ZNF37A: variants seen among roughly 807,000 people sequenced by gnomAD.
The protein encoded by ZNF37A is zinc finger protein 37A.
A neutral mutation model predicts 12.3 loss-of-function variants in ZNF37A; 10 were observed. That is an observed-to-expected ratio of 0.82 (90% CI 0.50 to 1.38). ZNF37A has a LOEUF of 1.38. Ranked by LOEUF, ZNF37A falls within the 40% of genes most tolerant of loss-of-function variation. ZNF37A has a pLI of 0.00. For synonymous variants in ZNF37A, 207 were observed against 223.0 expected (o/e 0.93, Z 0.64); for missense variants, 580 against 651.2 (o/e 0.89, Z 1.19).
intron 5 of ZNF37A, among the ~76,000 whole-genome samples, chr10:38,111,217 G>C (rs2068618664): frequency 6.6e-6 from 1 of 152,008 alleles, no homozygotes; most frequent in African/African-American, 2.4e-5. Flanking sequence ...ATCATTCTCA[G>C]CAAACTAACA....
chr10:38,125,430 A>G (rs1472363989), downstream of ZNF37A: 5 of 152,192 alleles, frequency 3.3e-5, no homozygotes, highest in Admixed American at 1.3e-4. Flanking sequence ...TTCAATACCA[A>G]TGCTAATTTT....
In ZNF37A at chr10:38,119,175, A is replaced by G. The variant is rs1682602543; in HGVS notation, c.*338A>G. 1 of 1,031,068 alleles carries G rather than the reference A, an allele frequency of 9.7e-7. No individual in the cohort carries two copies. The highest frequency in any genetic ancestry group is 1.2e-6 in the Non-Finnish European group (1 of 851,502). 63.9% of individuals were successfully genotyped at this position (1,031,068 alleles called of 1,614,324 possible). A position where few individuals can be genotyped will look rare whatever the true frequency, so the allele number is the denominator to read the frequency against. ...AGAAGGGATGCATTTTTCTGCTACT[A>G]CTACAGTTTCACAGAATACCTGAGA... is the stretch of plus-strand genomic sequence containing the variant. On this transcript the variant is annotated 3_prime_UTR_variant, in exon 8 of 8. Coordinates refer to ENST00000685332, the MANE Select transcript of ZNF37A (RefSeq NM_001324250.3).
At chr10:38,128,213 T>G (rs529083276), downstream of ZNF37A, among the ~76,000 whole-genome samples, 7 of 152,236 alleles carry the variant, frequency 4.6e-5, no homozygotes, top group South Asian at 2.1e-4. Flanking sequence ...GCAATAAAAG[T>G]CTAGGGGTGA....
chr10:38,096,840 G>GA (rs36062291), intron 5 of ZNF37A, among the ~76,000 whole-genome samples: 12 of 151,146 alleles, frequency 7.9e-5, no homozygotes, highest in South Asian at 2.1e-4. Context: ...GTGGCTGAGG[G>GA]AAAAAAAACA....
chr10:38,138,930 C>A (rs1208916365), intron 7 of ZNF37A: 1 of 152,162 alleles, frequency 6.6e-6, no homozygotes, highest in African/African-American at 2.4e-5. Context: ...AAAGACACAT[C>A]CTCTGGTTCA....
chr10:38,109,499 G>C (rs550448743), intron 5 of ZNF37A, among the ~76,000 whole-genome samples: 1 of 152,240 alleles, frequency 6.6e-6, no homozygotes, highest in South Asian at 2.1e-4. Flanking sequence ...AAGGCATTCA[G>C]GCAAGAGAAA....
In ZNF37A at chr10:38,120,240, C is replaced by A. The variant is rs529249805; in HGVS notation, c.*1403C>A. ...GGTCAGGAGTTCCAGACCAGCCTGG[C>A]CAACATGATGAAACCCTGTCTCTAC... On this transcript the variant is annotated 3_prime_UTR_variant, in exon 8 of 8. Transcript: ENST00000685332. 1 of 152,176 alleles carries A rather than the reference C, an allele frequency of 6.6e-6. No homozygotes were observed. Among genetic ancestry groups the A allele is most frequent in the East Asian group, 1.9e-4 (1 of 5,160 alleles). The allele number at this position is 152,176 out of a possible 1,614,324, so 9.4% of individuals were successfully genotyped here.
intron 5 of ZNF37A, among the ~76,000 whole-genome samples, chr10:38,105,966 T>C (rs566935005): frequency 8.2e-5 from 10 of 122,142 alleles, no homozygotes; most frequent in Admixed American, 7.7e-4. Flanking sequence ...AATTTGAATG[T>C]CTTTTATTTT....
chr10:38,118,708 G>A lies in ZNF37A; in HGVS notation c.1557G>A (p.Gly519=), dbSNP rs1337850653. ...TTGCACATCATAGAACACACACAGG[G>A]GAGAAACCCTATGAATGTAATGTTT... The part of the protein sequence containing the change: ...KLIAHHRTHT[G]EKPYECNVCG... The change falls in exon 8 of 8, where the codon GGG becomes GGA. Residue 519 remains glycine, a synonymous_variant. Coordinates refer to ENST00000685332, the MANE Select transcript of ZNF37A (RefSeq NM_001324250.3). 2 of 1,613,810 alleles carry A rather than the reference G, an allele frequency of 1.2e-6. No homozygotes were observed. The highest frequency in any genetic ancestry group is 1.7e-6 in the Non-Finnish European group (2 of 1,179,968).
At chr10:38,136,880 T>C (rs1259300661) in intron 7 of ZNF37A, among the ~76,000 whole-genome samples, 1 of 152,192 alleles carries the variant, frequency 6.6e-6, no homozygotes, top group Non-Finnish European at 1.5e-5. Context: ...ATTTCAATGG[T>C]TCTTTCTTCA....
At chr10:38,105,767 G>A (rs2068016911) in intron 5 of ZNF37A, among the ~76,000 whole-genome samples, 1 of 152,006 alleles carries the variant, frequency 6.6e-6, no homozygotes, top group Non-Finnish European at 1.5e-5. Flanking sequence ...TACCATAAAT[G>A]GAATTATTTT....
In ZNF37A at chr10:38,118,039, A is replaced by G. The variant is rs1259289951; in HGVS notation, c.888A>G (p.Gly296=). The G allele has an allele frequency of 5.0e-6, 8 of 1,613,722 alleles. No individual in the cohort carries two copies. The highest frequency in any genetic ancestry group is 2.2e-5 in the East Asian group (1 of 44,844). ...GACATCAGAGAACACACACAGGGGG[A>G]AAACCCTATGAATGTCATGAATGTG... ...HTRHQRTHTG[G]KPYECHECGK... is the part of the protein sequence containing the mutation. The change falls in exon 8 of 8, where the codon GGA becomes GGG. Residue 296 remains glycine (G), a synonymous_variant. Transcript: ENST00000685332.
chr10:38,141,194 G>A (rs1293845500), intron 7 of ZNF37A: 1 of 152,124 alleles, frequency 6.6e-6, no homozygotes, highest in Non-Finnish European at 1.5e-5. Context: ...GCCTTAAAGA[G>A]GTGGAGTTTA....
chr10:38,119,014 T>TAC lies in ZNF37A; in HGVS notation c.*180_*181dup. 7.7e-7 allele frequency: 1 copy of TAC among 1,295,516 alleles called. No homozygotes were observed. Among genetic ancestry groups the TAC allele is most frequent in the Non-Finnish European group, 9.8e-7 (1 of 1,024,248 alleles). The allele number at this position is 1,295,516 out of a possible 1,614,324, so 80.3% of individuals were successfully genotyped here. ...AAACATTATTCTGGAATTTGGACCA[T>TAC]ACACTATGTTACAAAACTAAAAGTG... is the stretch of plus-strand genomic sequence containing the variant. On this transcript the variant is annotated 3_prime_UTR_variant, in exon 8 of 8. Transcript: ENST00000685332.
chr10:38,142,326 C>T (rs141891449), intron 7 of ZNF37A: 1 of 152,088 alleles, frequency 6.6e-6, no homozygotes, highest in African/African-American at 2.4e-5. Context: ...GCAGAGAGAA[C>T]AATATAAACA....
intron 5 of ZNF37A, among the ~76,000 whole-genome samples, chr10:38,098,367 C>T (rs2474574): frequency 0.41 from 62,575 of 151,956 alleles, 13,068 homozygotes; most frequent in East Asian, 0.5. Context: ...GGTAAGTTTA[C>T]GTTTAATTTA....
In ZNF37A at chr10:38,114,939, A is replaced by G. The variant is rs1024595077; in HGVS notation, c.142+58A>G. On this transcript the variant is annotated intron_variant, in intron 6 of 7. Coordinates refer to ENST00000685332, the MANE Select transcript of ZNF37A (RefSeq NM_001324250.3). ...AGAATGCATGTCCTTTCTTATCAAT[A>G]GAAACTTGTGGAACTTTTGTAAAAT... 5 of 1,542,346 alleles carry G rather than the reference A, an allele frequency of 3.2e-6. No homozygotes were observed. In the Admixed American group the frequency reaches 8.7e-5, roughly 27 times the overall value.
chr10:38,126,962 G>A (rs1418119184), downstream of ZNF37A, among the ~76,000 whole-genome samples: 1 of 152,186 alleles, frequency 6.6e-6, no homozygotes, highest in Non-Finnish European at 1.5e-5. Context: ...ACAGTCAACT[G>A]AGGATTTAAA....
chr10:38,101,823 C>CTTTTTTTTTTTTTT (rs3041908), intron 5 of ZNF37A, among the ~76,000 whole-genome samples: 1 of 133,166 alleles, frequency 7.5e-6, no homozygotes, highest in Non-Finnish European at 1.6e-5. Flanking sequence ...TTTTATTTTT[C>CTTTTTTTTTTTTTT]TTTTTTTTTT....
Sources: gnomAD v4.1 joint callset for allele counts (sites outside exome capture counted in the v4.1 genomes callset) on GRCh38, gnomAD v4.1.1 for gene constraint, MANE v1.5 for transcripts, NCBI Gene and HGNC (gene_info 2026-07-23, HGNC 2026-07-21) for gene names.